NUMA1: variants seen among roughly 807,000 people sequenced by gnomAD.
NUMA1 encodes SP-H antigen.
In NUMA1, 62 loss-of-function variants were observed where a neutral mutation model predicts 237.1. The ratio of observed to expected loss-of-function variants is 0.26; its 90% confidence interval spans 0.21 to 0.32. NUMA1 has a LOEUF of 0.32. Ranked by LOEUF, NUMA1 falls within the 10% of genes least tolerant of loss-of-function variation. The probability of loss-of-function intolerance (pLI) is 1.00; values close to 1 mark genes in which losing one functional copy is unlikely to be tolerated. For missense variants in NUMA1, 2,533 were observed against 2,666.5 expected (o/e 0.95, Z 1.10); for synonymous variants, 1,028 against 1,066.1 (o/e 0.96, Z 0.70).
At chr11:72,036,042 G>T (rs932309281) in intron 2 of NUMA1, 67 bp from the exon 3 acceptor site, 1 of 1,251,312 alleles carries the variant, frequency 8.0e-7, no homozygotes, top group South Asian at 1.2e-5. Context: ...AAATAAAGGC[G>T]AAATGGTTCA....
chr11:72,014,623 G>T lies in NUMA1; in HGVS notation c.2880C>A (p.Phe960Leu). 6.2e-7 allele frequency: 1 copy of T among 1,609,474 alleles called. No individual in the cohort carries two copies. Among genetic ancestry groups the T allele is most frequent in the Non-Finnish European group, 8.5e-7 (1 of 1,180,018 alleles). The change falls in exon 15 of 27, where the codon TTC becomes TTA. Residue 960 changes from phenylalanine (F) to leucine (L), a missense_variant. Transcript: ENST00000393695. This position sits in a 1 kb window ranked among gnomAD's most constrained non-coding sequence, Gnocchi z 4.6. ...EWLEEQQGRQFCSTQAALQAM... is the reference protein window; with the variant it reads ...EWLEEQQGRQLCSTQAALQAM... Reference sequence around the variant, plus strand: ...CCTGCAGCGCTGCCTGTGTGCTGCAGAACTGGCGTCCCTGTTGCTCTTCCA... The same window carrying T: ...CCTGCAGCGCTGCCTGTGTGCTGCATAACTGGCGTCCCTGTTGCTCTTCCA...
chr11:72,076,040 C>T (rs1943690949), intron 1 of NUMA1, among the ~76,000 whole-genome samples: 1 of 152,180 alleles, frequency 6.6e-6, no homozygotes, highest in African/African-American at 2.4e-5. Flanking sequence ...AAAAAACTTG[C>T]CTTGCTCACC....
intron 2 of NUMA1, chr11:72,066,260 C>G (rs571778574): frequency 6.7e-6 from 1 of 149,892 alleles, no homozygotes; most frequent in Admixed American, 6.7e-5. Flanking sequence ...GAGCCGAGAT[C>G]ACGCCTATAG....
intron 2 of NUMA1, among the ~76,000 whole-genome samples, chr11:72,055,212 A>G (rs138156929): frequency 1.6e-3 from 251 of 152,248 alleles, no homozygotes; most frequent in African/African-American, 5.7e-3. Context: ...ATGGCTCTTT[A>G]CAACTAACAA....
intron 4 of NUMA1, chr11:72,024,647 C>T (rs1573501): frequency 0.95 from 392,180 of 413,946 alleles, 186,284 homozygotes; most frequent in Non-Finnish European, 0.98. Flanking sequence ...CGAGAGGAGA[C>T]GGAGGCAGCA....
intron 2 of NUMA1, among the ~76,000 whole-genome samples, chr11:72,046,921 T>C (rs535752024): frequency 9.1e-4 from 138 of 151,738 alleles, no homozygotes; most frequent in Middle Eastern, 3.4e-3. Flanking sequence ...GATTGCGCCA[T>C]TGCACTCCAG....
Position 72,013,856 on chromosome 11 carries a change from C to A in NUMA1, c.3647G>T (p.Gly1216Val), listed in dbSNP as rs762177019. 6.8e-6 allele frequency: 11 copies of A among 1,613,278 alleles called. No individual in the cohort carries two copies. Among genetic ancestry groups the A allele is most frequent in the Non-Finnish European group, 8.5e-6 (10 of 1,180,034 alleles). ...EDEWKAQVARGRQEAERKNSL... is the reference protein window; with the variant it reads ...EDEWKAQVARVRQEAERKNSL... ...ATTTTTCCTCTCAGCCTCTTGCCGG[C>A]CCCGGGCCACCTGGGCCTTCCACTC... Residue 1216 changes from glycine (G) to valine (V), a missense_variant, in exon 15 of 27, where the codon GGC (glycine) becomes GTC (valine). Gly to Val is a moderately radical substitution (Grantham distance 109, BLOSUM62 -3). Transcript: ENST00000393695. This position sits in a 1 kb window ranked among gnomAD's most constrained non-coding sequence, Gnocchi z 6.8.
Position 72,004,717 on chromosome 11 carries a change from C to T in NUMA1, c.5929G>A (p.Glu1977Lys), listed in dbSNP as rs775433410. ...TGCCGGGTGGTGATGCCAGTGCCCT[C>T]GGCTATCTGGATTGGCTGCATGCTG... ...RASMQPIQIA[E>K]GTGITTRQQR... The change falls in exon 24 of 27, where the codon GAG (glutamate) becomes AAG (lysine). Residue 1977 changes from glutamate (E) to lysine (K), a missense_variant. Coordinates refer to ENST00000393695, the MANE Select transcript of NUMA1 (RefSeq NM_006185.4). 43 of 1,613,656 alleles carry T rather than the reference C, an allele frequency of 2.7e-5. No individual in the cohort carries two copies. The highest frequency in any genetic ancestry group is 5.3e-5 in the African/African-American group (4 of 74,898).
intron 9 of NUMA1, 85 bp downstream of exon 9, chr11:72,019,409 T>C: frequency 6.5e-7 from 1 of 1,546,056 alleles, no homozygotes; most frequent in Non-Finnish European, 8.8e-7. Context: ...CAGAGGCTGG[T>C]TAACATCTTA....
At chr11:72,026,347 G>A (rs1939580921) in intron 4 of NUMA1, among the ~76,000 whole-genome samples, 1 of 152,254 alleles carries the variant, frequency 6.6e-6, no homozygotes, top group Non-Finnish European at 1.5e-5. Flanking sequence ...TAAAGTAGGT[G>A]CTCAATACAT....
intron 21 of NUMA1, 152 bp from the exon 22 acceptor site, chr11:72,006,415 G>A (rs1247797544): frequency 1.6e-6 from 1 of 642,180 alleles, no homozygotes; most frequent in South Asian, 2.2e-5. Flanking sequence ...GCAAGAAATG[G>A]GCCTTGTCGA....
chr11:72,030,033 T>C (rs969520770), intron 3 of NUMA1, among the ~76,000 whole-genome samples: 5 of 152,050 alleles, frequency 3.3e-5, no homozygotes, highest in African/African-American at 1.2e-4. Context: ...AAGATGATTT[T>C]TTAAAAAGGG....
intron 3 of NUMA1, among the ~76,000 whole-genome samples, chr11:72,035,123 C>T (rs1940849812): frequency 6.6e-6 from 1 of 152,098 alleles, no homozygotes; most frequent in South Asian, 2.1e-4. Context: ...TCCCAAAGTG[C>T]TGGGATTACA....
Position 72,023,047 on chromosome 11 carries a change from C to G in NUMA1, c.291+18G>C, listed in dbSNP as rs1452744605. ...CCCAACCCTGCCCTGCCTCCCCAGT[C>G]TGGTATTCCATAGGTACCTTCGCCA... On this transcript the variant is annotated intron_variant, in intron 6 of 26. Transcript: ENST00000393695. The G allele has an allele frequency of 1.2e-5, 19 of 1,599,736 alleles. No individual in the cohort carries two copies. Among genetic ancestry groups the G allele is most frequent in the Non-Finnish European group, 1.5e-5 (18 of 1,167,138 alleles).
intron 17 of NUMA1, 94 bp from the exon 18 acceptor site, chr11:72,009,481 A>G: frequency 1.4e-6 from 2 of 1,451,444 alleles, no homozygotes; most frequent in Non-Finnish European, 9.1e-7. Context: ...GGTGCTTCAG[A>G]CTCCTGCACT....
intron 4 of NUMA1, among the ~76,000 whole-genome samples, chr11:72,027,540 G>A (rs1939739012): frequency 9.6e-6 from 1 of 103,636 alleles, no homozygotes; most frequent in South Asian, 3.6e-4. Context: ...AGGATTTAAG[G>A]ATTTCTATAA....
At chr11:72,043,528 ATTTTTT>A (rs34806999) in intron 2 of NUMA1, among the ~76,000 whole-genome samples, 3 of 123,140 alleles carry the variant, frequency 2.4e-5, no homozygotes, top group African/African-American at 6.2e-5. Context: ...TGCCTGGCTA[ATTTTTT>A]TTTTTTTTTT....
chr11:72,009,782 C>T (rs946204398), intron 17 of NUMA1, among the ~76,000 whole-genome samples: 4 of 152,182 alleles, frequency 2.6e-5, no homozygotes, highest in Non-Finnish European at 4.4e-5. Context: ...GAACTTGTTT[C>T]TCCTCAAAGC....
At chr11:72,078,689 G>A (rs1943833953) in intron 1 of NUMA1, among the ~76,000 whole-genome samples, 1 of 152,226 alleles carries the variant, frequency 6.6e-6, no homozygotes, top group Admixed American at 6.5e-5. Flanking sequence ...TCCCTTGCTA[G>A]AACTTAGGCT....
Sources: gnomAD v4.1 joint callset for allele counts (sites outside exome capture counted in the v4.1 genomes callset) on GRCh38, gnomAD v4.1.1 for gene constraint, Gnocchi (gnomAD v3.1) non-coding constraint, MANE v1.5 for transcripts, NCBI Gene and HGNC (gene_info 2026-07-23, HGNC 2026-07-21) for gene names.